Variants in SYN3 observed in about 807,000 individuals in gnomAD.
SYN3 encodes synapsin-3.
Under a neutral mutation model 65.8 loss-of-function variants are expected in SYN3, and 35 were observed. The observed-to-expected ratio is 0.53, with a 90% CI of 0.41 to 0.70. SYN3 has a LOEUF of 0.70. SYN3 is among the 30% of genes least tolerant of loss of function. The pLI is 0.00. For missense variants in SYN3, 680 were observed against 749.0 expected (o/e 0.91, Z 1.08); for synonymous variants, 270 against 292.9 (o/e 0.92, Z 0.80).
At chr22:32,865,483 G>A (rs767710058) in intron 5 of SYN3, among the ~76,000 whole-genome samples, 4 of 152,152 alleles carry the variant, frequency 2.6e-5, no homozygotes, top group African/African-American at 4.8e-5. Context: ...CTGAGCTTTC[G>A]TTTCTTCACT....
At chr22:32,859,350 A>G (rs779686845) in intron 6 of SYN3, 1 of 1,612,512 alleles carries the variant, frequency 6.2e-7, no homozygotes, top group Non-Finnish European at 8.5e-7. Flanking sequence ...CCCCGGATAA[A>G]AGCATCATCA....
Position 32,507,936 on chromosome 22 carries a change from C to T in SYN3, c.*5756G>A, listed in dbSNP as rs1487308914. Among the ~76,000 whole-genome samples the T allele has an allele frequency of 6.6e-6, 1 of 151,948 alleles. No individual in the cohort carries two copies. The highest frequency in any genetic ancestry group is 1.9e-4 in the East Asian group (1 of 5,198). ...TCTCCCACTCTAGGTTCCCACGCCG[C>T]CCCTAATCCCACTCGAAGCAGCCCT... On this transcript the variant is annotated 3_prime_UTR_variant, in exon 14 of 14. Coordinates refer to ENST00000358763, the MANE Select transcript of SYN3 (RefSeq NM_003490.4).
At chr22:32,528,465 A>G (rs2058018393) in intron 11 of SYN3, among the ~76,000 whole-genome samples, 2 of 152,130 alleles carry the variant, frequency 1.3e-5, no homozygotes, top group African/African-American at 4.8e-5. Context: ...AAAATGGGAG[A>G]CACAATAGCG....
At chr22:32,843,366 A>T (rs1010101492) in intron 6 of SYN3, among the ~76,000 whole-genome samples, 2 of 152,236 alleles carry the variant, frequency 1.3e-5, no homozygotes, top group Admixed American at 1.3e-4. Context: ...ATGGGTGAGC[A>T]GCTGGAAGAG....
Position 32,801,780 on chromosome 22 carries a change from TCGCCGGGAGGCCGCC to T in SYN3, c.711+63120_711+63134del. The T allele has an allele frequency of 3.1e-6, 1 of 327,180 alleles. No homozygotes were observed. Among genetic ancestry groups the T allele is most frequent in the East Asian group, 7.5e-5 (1 of 13,422 alleles). The allele number at this position is 327,180 out of a possible 1,614,324, so 20.3% of individuals were successfully genotyped here. A position where few individuals can be genotyped will look rare whatever the true frequency, so the allele number is the denominator to read the frequency against. The stretch of plus-strand genomic sequence containing the variant: ...TCTTGCTCCTCCAGCTCCTGCTCCT[TCGCCGGGAGGCCGCC>T]CGCCGAGTCCTGCGCCAGCGCCGAG... On this transcript the variant is annotated intron_variant, in intron 6 of 13. Coordinates refer to ENST00000358763, the MANE Select transcript of SYN3 (RefSeq NM_003490.4). This position sits in a 1 kb window ranked among gnomAD's most constrained non-coding sequence, Gnocchi z 4.7.
At chr22:32,907,463 AACAG>A (rs995120344) in intron 4 of SYN3, among the ~76,000 whole-genome samples, 12 of 152,274 alleles carry the variant, frequency 7.9e-5, no homozygotes, top group Admixed American at 7.8e-4. Flanking sequence ...TCATGCATTC[AACAG>A]ACATTCAGCA....
At chr22:33,050,027 G>C (rs774065070) in intron 1 of SYN3, among the ~76,000 whole-genome samples, 2 of 150,508 alleles carry the variant, frequency 1.3e-5, no homozygotes, top group Non-Finnish European at 3.0e-5. Context: ...ATGAATGAGT[G>C]TTGTTGTTTT....
chr22:32,949,656 A>G (rs1345023014), intron 3 of SYN3, among the ~76,000 whole-genome samples: 1 of 152,178 alleles, frequency 6.6e-6, no homozygotes, highest in Non-Finnish European at 1.5e-5. Context: ...CAAGAAGGTA[A>G]TGCCAAGCAG....
intron 1 of SYN3, among the ~76,000 whole-genome samples, chr22:33,047,541 C>T (rs1418346529): frequency 6.6e-6 from 1 of 152,120 alleles, no homozygotes; most frequent in Non-Finnish European, 1.5e-5. Flanking sequence ...CTTCTAAGTG[C>T]AGCTTTCTGG....
chr22:32,645,968 C>T (rs1339620815), intron 6 of SYN3, among the ~76,000 whole-genome samples: 1 of 152,020 alleles, frequency 6.6e-6, no homozygotes, highest in Non-Finnish European at 1.5e-5. Flanking sequence ...AGGAACAAGT[C>T]CCAAGGAGAT....
intron 4 of SYN3, among the ~76,000 whole-genome samples, chr22:32,870,874 C>G (rs1169385448): frequency 6.6e-6 from 1 of 152,138 alleles, no homozygotes; most frequent in African/African-American, 2.4e-5. Context: ...TCTCCAGTTT[C>G]CTATTGAGGT....
intron 4 of SYN3, among the ~76,000 whole-genome samples, chr22:32,888,609 G>A (rs1040532399): frequency 6.6e-6 from 1 of 152,160 alleles, no homozygotes; most frequent in African/African-American, 2.4e-5. Flanking sequence ...GAAGAAAAAG[G>A]TTAAATAACA....
intron 6 of SYN3, among the ~76,000 whole-genome samples, chr22:32,772,614 G>A (rs1602110609): frequency 6.6e-6 from 1 of 152,210 alleles, no homozygotes; most frequent in Non-Finnish European, 1.5e-5. Flanking sequence ...ATTTTGAGAT[G>A]AGGAGATTAT....
chr22:32,617,423 C>G (rs978732662), intron 6 of SYN3, among the ~76,000 whole-genome samples: 1 of 151,750 alleles, frequency 6.6e-6, no homozygotes, highest in Non-Finnish European at 1.5e-5. Flanking sequence ...CCTCACATCA[C>G]TGACTCTGCA....
In SYN3 at chr22:32,947,179, T is replaced by A. The variant is rs372501766; in HGVS notation, c.370-15698A>T. On this transcript the variant is annotated intron_variant, in intron 3 of 13. Transcript: ENST00000358763. ...CTCTGCTCTTAACTCTCTTCATCTT[T>A]CAATTAAAGAGCTATAATTAATTGA... is the stretch of plus-strand genomic sequence containing the variant. Among the ~76,000 whole-genome samples, 3 of 152,332 alleles carry A rather than the reference T, an allele frequency of 2.0e-5. No homozygotes were observed. The East Asian group carries it at 5.8e-4, about 29-fold the overall frequency.
intron 10 of SYN3, among the ~76,000 whole-genome samples, chr22:32,530,929 C>T (rs1369498672): frequency 6.6e-6 from 1 of 151,862 alleles, no homozygotes; most frequent in Non-Finnish European, 1.5e-5. Context: ...TCGCTTGAAC[C>T]TGGGAGTGTC....
intron 1 of SYN3, among the ~76,000 whole-genome samples, chr22:33,025,808 T>C (rs998926527): frequency 2.0e-5 from 3 of 152,188 alleles, no homozygotes. Flanking sequence ...GTTCTCCCAG[T>C]AGAAGCTGAG....
chr22:32,967,165 C>A (rs1205910278), intron 3 of SYN3, among the ~76,000 whole-genome samples: 1 of 152,190 alleles, frequency 6.6e-6, no homozygotes, highest in Non-Finnish European at 1.5e-5. Flanking sequence ...TGCCTATGAT[C>A]ATTAATTCCT....
At chr22:32,957,892 G>T (rs563327979) in intron 3 of SYN3, among the ~76,000 whole-genome samples, 89 of 152,248 alleles carry the variant, frequency 5.8e-4, no homozygotes, top group African/African-American at 1.8e-3. Context: ...GGCTACCGTG[G>T]TTCCACCCCA....
Sources: allele counts gnomAD v4.1 joint callset (sites outside exome capture counted in the v4.1 genomes callset), GRCh38; gene constraint gnomAD v4.1.1; non-coding constraint Gnocchi (gnomAD v3.1); transcripts MANE v1.5; gene names NCBI Gene and HGNC (gene_info 2026-07-23, HGNC 2026-07-21).